The following AMBRA1 variants were observed in gnomAD, a reference collection of about 807,000 sequenced individuals.
AMBRA1 encodes the protein autophagy and beclin 1 regulator 1.
A neutral mutation model predicts 125.4 loss-of-function variants in AMBRA1; 47 were observed. The observed-to-expected ratio is 0.37, with a 90% CI of 0.30 to 0.48. The LOEUF (loss-of-function observed/expected upper bound fraction) is 0.48, where lower values mean the gene tolerates loss of function less well. Among genes scored for constraint, AMBRA1 ranks in the 20% least tolerant of loss-of-function variants. The pLI is 0.99. For missense variants in AMBRA1, 1,331 were observed against 1,693.4 expected, an observed-to-expected ratio of 0.79 and a Z score of 3.76; for synonymous variants, 626 against 655.5, an observed-to-expected ratio of 0.95 and a Z score of 0.69.
At chr11:46,553,574 G>A (rs1490102926) in intron 1 of AMBRA1, among the ~76,000 whole-genome samples, 1 of 151,946 alleles carries the variant, frequency 6.6e-6, no homozygotes, top group Non-Finnish European at 1.5e-5. Context: ...GTGAAACCCT[G>A]TCTCTACTAA....
chr11:46,545,165 G>C (rs933299301), intron 5 of AMBRA1, among the ~76,000 whole-genome samples: 7 of 140,320 alleles, frequency 5.0e-5, no homozygotes, highest in African/African-American at 1.1e-4. Context: ...AAAAGCCGGG[G>C]GGGGGGGGGT....
At chr11:46,399,419 T>G (rs900851288) in intron 17 of AMBRA1, among the ~76,000 whole-genome samples, 1 of 151,842 alleles carries the variant, frequency 6.6e-6, no homozygotes, top group East Asian at 1.9e-4. Flanking sequence ...CAGGCTGAAG[T>G]GCAGTGGCAC....
intron 9 of AMBRA1, among the ~76,000 whole-genome samples, chr11:46,502,579 G>A (rs566039646): frequency 7.9e-5 from 12 of 152,238 alleles, no homozygotes; most frequent in South Asian, 2.1e-4. Flanking sequence ...AGAAATTCCC[G>A]GCTCAGAAGA....
chr11:46,474,458 G>A (rs879465657), intron 11 of AMBRA1, among the ~76,000 whole-genome samples: 25 of 152,002 alleles, frequency 1.6e-4, no homozygotes, highest in African/African-American at 4.6e-4. Flanking sequence ...GTACAATCTC[G>A]GCTCACTGCA....
In AMBRA1 at chr11:46,583,677, A is replaced by AAAAAAAAAAAAAAAAAAAC. The variant is rs1565324615; in HGVS notation, c.-121+10150_-121+10151insGTTTTTTTTTTTTTTTTTT. ...CAAAAAAAAAAAAAAAAAAAAAAAA[A>AAAAAAAAAAAAAAAAAAAC]AACAACAAAACAACCCCATCAAAAA... On this transcript the variant is annotated intron_variant, in intron 1 of 17. Coordinates refer to ENST00000683756, the MANE Select transcript of AMBRA1 (RefSeq NM_001387011.1). 4.2e-5 allele frequency among the ~76,000 whole-genome samples: 6 copies of AAAAAAAAAAAAAAAAAAAC among 143,830 alleles called. 1 individual carries two copies. The highest frequency in any genetic ancestry group is 1.6e-4 in the African/African-American group (6 of 37,510). 94.4% of individuals were successfully genotyped at this position (143,830 alleles called of 152,430 possible).
At chr11:46,553,451 A>C (rs1159406376) in intron 1 of AMBRA1, among the ~76,000 whole-genome samples, 1 of 152,126 alleles carries the variant, frequency 6.6e-6, no homozygotes, top group Non-Finnish European at 1.5e-5. Context: ...TCACAGCAAG[A>C]AAACACCAAG....
At chr11:46,466,575 G>A (rs1949334962) in intron 11 of AMBRA1, among the ~76,000 whole-genome samples, 1 of 152,120 alleles carries the variant, frequency 6.6e-6, no homozygotes, top group South Asian at 2.1e-4. Flanking sequence ...AGTTCAGTGG[G>A]AAGCAAAGGC....
chr11:46,498,846 T>C (rs745589365), intron 9 of AMBRA1, among the ~76,000 whole-genome samples: 7 of 152,250 alleles, frequency 4.6e-5, no homozygotes, highest in Non-Finnish European at 1.0e-4. Flanking sequence ...TAAAAAATTT[T>C]TGTTTCCCTA....
chr11:46,407,535 C>T (rs937326646), intron 17 of AMBRA1, among the ~76,000 whole-genome samples: 1 of 152,248 alleles, frequency 6.6e-6, no homozygotes, highest in Non-Finnish European at 1.5e-5. Context: ...GCCAGCACCA[C>T]CTTATGGTCA....
chr11:46,577,664 A>C (rs2044004276), intron 1 of AMBRA1, among the ~76,000 whole-genome samples: 1 of 152,196 alleles, frequency 6.6e-6, no homozygotes, highest in South Asian at 2.1e-4. Context: ...AAAGAAAAAA[A>C]ATTCAGCCAG....
intron 11 of AMBRA1, among the ~76,000 whole-genome samples, chr11:46,489,564 G>A (rs191127680): frequency 3.3e-5 from 5 of 152,278 alleles, no homozygotes; most frequent in Admixed American, 2.6e-4. Flanking sequence ...CTGTGGCTAG[G>A]AGCAAGAAAA....
intron 14 of AMBRA1, among the ~76,000 whole-genome samples, chr11:46,418,554 C>T (rs894615968): frequency 1.3e-5 from 2 of 151,752 alleles, no homozygotes; most frequent in African/African-American, 4.8e-5. Context: ...TCCCCACTCC[C>T]CCTACCCCAC....
In AMBRA1 at chr11:46,534,456, T is replaced by C. The variant is rs532871943; in HGVS notation, c.2072+7489A>G. ...GTTACAGTGAGCCCAGATCGCACCATTGCACTCCAGCCTGGGCAAGAAGAG... is the reference window on the plus strand; with the variant it reads ...GTTACAGTGAGCCCAGATCGCACCACTGCACTCCAGCCTGGGCAAGAAGAG... On this transcript the variant is annotated intron_variant, in intron 7 of 17. Coordinates refer to ENST00000683756, the MANE Select transcript of AMBRA1 (RefSeq NM_001387011.1). Among the ~76,000 whole-genome samples the C allele has an allele frequency of 7.9e-5, 12 of 152,090 alleles. No individual in the cohort carries two copies. The East Asian group carries it at 1.9e-3, about 25-fold the overall frequency.
Position 46,517,233 on chromosome 11 carries a change from C to T in AMBRA1, c.2073-4420G>A, listed in dbSNP as rs975705151. Among the ~76,000 whole-genome samples, 28 of 149,738 alleles carry T rather than the reference C, an allele frequency of 1.9e-4. 1 individual carries two copies. The highest frequency in any genetic ancestry group is 4.9e-4 in the African/African-American group (20 of 40,570). The stretch of plus-strand genomic sequence containing the variant: ...TGCAATCTCGGCTCACTGCAACCTC[C>T]GCCTCCCGGGTTCAAGTGATTCTCT... On this transcript the variant is annotated intron_variant, in intron 7 of 17. Transcript: ENST00000683756.
chr11:46,569,440 A>T (rs199706022), intron 1 of AMBRA1, among the ~76,000 whole-genome samples: 8,333 of 131,146 alleles, frequency 0.064, 314 homozygotes, highest in Admixed American at 0.087. Flanking sequence ...AAAAAAAAAA[A>T]ATATATATAT....
intron 14 of AMBRA1, among the ~76,000 whole-genome samples, chr11:46,423,652 A>T (rs1338717272): frequency 6.6e-6 from 1 of 152,026 alleles, no homozygotes; most frequent in Non-Finnish European, 1.5e-5. Context: ...CGGCCTCCCA[A>T]AGTGCTGGGA....
At chr11:46,436,803 AAAAT>A (rs1947742677) in intron 12 of AMBRA1, among the ~76,000 whole-genome samples, 2 of 152,230 alleles carry the variant, frequency 1.3e-5, no homozygotes, top group Non-Finnish European at 2.9e-5. Context: ...AATGCTCAGA[AAAAT>A]AAACAGAAAC....
chr11:46,493,173 T>A (rs535353138), intron 11 of AMBRA1, among the ~76,000 whole-genome samples: 195 of 152,316 alleles, frequency 1.3e-3, no homozygotes, highest in Non-Finnish European at 1.9e-3. Context: ...CTCAGAAGAT[T>A]CCACACTGCC....
intron 1 of AMBRA1, among the ~76,000 whole-genome samples, chr11:46,566,008 C>T (rs563924435): frequency 7.9e-5 from 12 of 152,244 alleles, no homozygotes; most frequent in African/African-American, 2.9e-4. Context: ...GCCTCAGCCT[C>T]CCAAAGTGCT....
Sources: gnomAD v4.1 joint callset for allele counts (sites outside exome capture counted in the v4.1 genomes callset) on GRCh38, gnomAD v4.1.1 for gene constraint, MANE v1.5 for transcripts, NCBI Gene and HGNC (gene_info 2026-07-23, HGNC 2026-07-21) for gene names.